Variants in FIG4 observed in about 807,000 individuals in gnomAD.
FIG4 encodes the protein FIG4 phosphoinositide 5-phosphatase.
FIG4 carries 112 observed loss-of-function variants against 118.6 expected under a neutral mutation model. That is an observed-to-expected ratio of 0.94 (90% CI 0.81 to 1.11). The LOEUF is 1.11. Ranked by LOEUF, FIG4 falls within the 50% of genes least tolerant of loss-of-function variation. The pLI, the probability that FIG4 is intolerant of heterozygous loss-of-function variation, is 0.00. For synonymous variants in FIG4, 369 were observed against 381.2 expected (o/e 0.97, Z 0.37); for missense variants, 969 against 1,111.7 (o/e 0.87, Z 1.83).
intron 10 of FIG4, among the ~76,000 whole-genome samples, chr6:109,759,799 G>A (rs76199486): frequency 0.015 from 2,233 of 152,328 alleles, 58 homozygotes; most frequent in African/African-American, 0.051. Context: ...AATTTATGAA[G>A]TCCTGTGAAG....
At chr6:109,766,631 GA>G in intron 14 of FIG4, 97 bp from the exon 15 acceptor site, 1 of 1,001,088 alleles carries the variant, frequency 1.0e-6, no homozygotes, top group East Asian at 2.4e-5. Context: ...AGGCTCAGAA[GA>G]ATTTTTAAAG....
intron 1 of FIG4, among the ~76,000 whole-genome samples, chr6:109,693,679 C>T (rs829811): frequency 0.79 from 119,985 of 152,074 alleles, 47,486 homozygotes; most frequent in African/African-American, 0.86. Context: ...AAAATCTGAT[C>T]GACTCAACTA....
At chr6:109,772,126 T>C (rs1403063338) in intron 15 of FIG4, among the ~76,000 whole-genome samples, 1 of 152,196 alleles carries the variant, frequency 6.6e-6, no homozygotes, top group African/African-American at 2.4e-5. Context: ...ATCTAATGTT[T>C]ACTCTTCTGA....
chr6:109,701,396 A>G (rs1458301906), intron 1 of FIG4, among the ~76,000 whole-genome samples: 2 of 152,180 alleles, frequency 1.3e-5, no homozygotes, highest in Admixed American at 6.5e-5. Flanking sequence ...TCCTGGGTGA[A>G]ATTGCAGTTT....
At chr6:109,707,679 T>C (rs1390862459) in intron 1 of FIG4, among the ~76,000 whole-genome samples, 1 of 151,988 alleles carries the variant, frequency 6.6e-6, no homozygotes, top group Non-Finnish European at 1.5e-5. Flanking sequence ...ATGGTCTACA[T>C]GCTTCATTTT....
At chr6:109,808,116 A>G (rs1362883342) in intron 22 of FIG4, among the ~76,000 whole-genome samples, 9 of 152,168 alleles carry the variant, frequency 5.9e-5, no homozygotes, top group Admixed American at 2.0e-4. Flanking sequence ...CACAGGAAGC[A>G]TGGAGAGTAG....
chr6:109,795,595 CT>C (rs72384711), intron 21 of FIG4, among the ~76,000 whole-genome samples: 52 of 69,524 alleles, frequency 7.5e-4, no homozygotes, highest in African/African-American at 3.2e-3. Context: ...GGTTTCAGTC[CT>C]TTTTTTTTTT....
intron 7 of FIG4, among the ~76,000 whole-genome samples, chr6:109,739,006 G>A (rs574673605): frequency 6.6e-6 from 1 of 152,294 alleles, no homozygotes; most frequent in African/African-American, 2.4e-5. Context: ...TGGTCAAGCT[G>A]AGGACTTTGG....
At chr6:109,815,512 G>A (rs990527609) in intron 22 of FIG4, among the ~76,000 whole-genome samples, 85 of 9,318 alleles carry the variant, frequency 9.1e-3, no homozygotes, top group Non-Finnish European at 0.017. Context: ...CCACCCCCCC[G>A]TTAATGAGAG....
chr6:109,739,707 G>T (rs1184632051), intron 7 of FIG4, among the ~76,000 whole-genome samples: 1 of 151,956 alleles, frequency 6.6e-6, no homozygotes, highest in African/African-American at 2.4e-5. Context: ...GGCCCCCCTT[G>T]GTACTTGGAA....
At chr6:109,812,981 T>C (rs377443242) in intron 22 of FIG4, among the ~76,000 whole-genome samples, 10 of 152,224 alleles carry the variant, frequency 6.6e-5, no homozygotes, top group African/African-American at 2.4e-4. Flanking sequence ...AATTTCATTA[T>C]CTTTGGTGTT....
chr6:109,750,709 G>A (rs961154846), intron 10 of FIG4, among the ~76,000 whole-genome samples: 10 of 152,066 alleles, frequency 6.6e-5, no homozygotes, highest in African/African-American at 2.4e-4. Context: ...AGGGGTCTGT[G>A]GCTCTAAAGA....
intron 4 of FIG4, among the ~76,000 whole-genome samples, chr6:109,731,680 A>G (rs915048175): frequency 6.6e-6 from 1 of 152,180 alleles, no homozygotes; most frequent in Non-Finnish European, 1.5e-5. Context: ...TCTGGAGGTA[A>G]TTGAGAGTGT....
chr6:109,798,228 A>C (rs1438553683), intron 22 of FIG4, among the ~76,000 whole-genome samples: 1 of 152,156 alleles, frequency 6.6e-6, no homozygotes, highest in Non-Finnish European at 1.5e-5. Context: ...TGGATCTGGA[A>C]AATAATCTTA....
intron 22 of FIG4, among the ~76,000 whole-genome samples, chr6:109,807,105 A>G (rs1275651079): frequency 6.6e-6 from 1 of 152,210 alleles, no homozygotes; most frequent in Non-Finnish European, 1.5e-5. Flanking sequence ...AATGATTTAT[A>G]ATCCTTTGGG....
chr6:109,692,530 A>T (rs1774515204), intron 1 of FIG4, among the ~76,000 whole-genome samples: 1 of 152,236 alleles, frequency 6.6e-6, no homozygotes, highest in Non-Finnish European at 1.5e-5. Flanking sequence ...TTTGCTGACA[A>T]CTTTGATTAG....
chr6:109,807,073 T>A (rs1050632683), intron 22 of FIG4, among the ~76,000 whole-genome samples: 6 of 152,372 alleles, frequency 3.9e-5, no homozygotes, highest in Non-Finnish European at 8.8e-5. Context: ...TAAACATATG[T>A]GTGCATGTGT....
At chr6:109,696,389 T>C (rs1023725636) in intron 1 of FIG4, among the ~76,000 whole-genome samples, 9 of 152,196 alleles carry the variant, frequency 5.9e-5, no homozygotes, top group African/African-American at 1.9e-4. Context: ...CAAGTCCCCT[T>C]ATATATTCAA....
intron 3 of FIG4, among the ~76,000 whole-genome samples, chr6:109,723,860 A>C (rs1002021695): frequency 1.3e-5 from 2 of 152,190 alleles, no homozygotes; most frequent in African/African-American, 2.4e-5. Flanking sequence ...GAGAGAGAGA[A>C]GAATGGAGTA....
Sources: gnomAD v4.1 joint callset for allele counts (sites outside exome capture counted in the v4.1 genomes callset) on GRCh38, gnomAD v4.1.1 for gene constraint, MANE v1.5 for transcripts, NCBI Gene and HGNC (gene_info 2026-07-23, HGNC 2026-07-21) for gene names.